Variants in UST observed in about 807,000 individuals in gnomAD.
UST encodes chondroitin sulfate 2-O-sulfotransferase.
Under a neutral mutation model 45.6 loss-of-function variants are expected in UST, and 21 were observed. That is an observed-to-expected ratio of 0.46 (90% CI 0.33 to 0.66). The LOEUF is 0.66. Among genes scored for constraint, UST ranks in the 30% least tolerant of loss-of-function variants. UST has a pLI of 0.02. For missense variants in UST, 463 were observed against 512.4 expected, an observed-to-expected ratio of 0.90 and a Z score of 0.93; for synonymous variants, 215 against 200.6, an observed-to-expected ratio of 1.07 and a Z score of -0.61.
chr6:148,793,784 T>C (rs1277066045), intron 1 of UST, among the ~76,000 whole-genome samples: 1 of 152,204 alleles, frequency 6.6e-6, no homozygotes. Flanking sequence ...CAACATTATA[T>C]TTGTGAATCA....
intron 1 of UST, among the ~76,000 whole-genome samples, chr6:148,783,501 C>T: frequency 6.6e-6 from 1 of 152,158 alleles, no homozygotes; most frequent in Non-Finnish European, 1.5e-5. Flanking sequence ...TACACCTTTC[C>T]CCTGAAGAAG....
intron 7 of UST, among the ~76,000 whole-genome samples, chr6:149,072,618 A>G (rs1304930976): frequency 6.7e-6 from 1 of 149,936 alleles, no homozygotes; most frequent in Non-Finnish European, 1.5e-5. Context: ...GCGCCATTGC[A>G]CTCCAGCCTG....
intron 5 of UST, among the ~76,000 whole-genome samples, chr6:148,995,702 GA>G (rs1400448696): frequency 2.0e-5 from 3 of 152,190 alleles, no homozygotes; most frequent in African/African-American, 7.2e-5. Flanking sequence ...TAAGAATTGA[GA>G]GATCTCACAC....
At chr6:148,947,342 T>C (rs1780265917) in intron 3 of UST, among the ~76,000 whole-genome samples, 1 of 152,202 alleles carries the variant, frequency 6.6e-6, no homozygotes, top group Admixed American at 6.5e-5. Context: ...TTAATCACGA[T>C]AGGCACCAAA....
chr6:148,867,683 G>A (rs540856652), intron 1 of UST, among the ~76,000 whole-genome samples: 32 of 152,248 alleles, frequency 2.1e-4, no homozygotes, highest in South Asian at 1.9e-3. Flanking sequence ...CATGTAAGAT[G>A]TGCCTTTCAC....
intron 7 of UST, among the ~76,000 whole-genome samples, chr6:149,028,231 G>A (rs1776079786): frequency 6.6e-6 from 1 of 152,164 alleles, no homozygotes; most frequent in Non-Finnish European, 1.5e-5. Flanking sequence ...ATAACCAGAG[G>A]CAAGGTATAG....
intron 5 of UST, among the ~76,000 whole-genome samples, chr6:148,971,556 G>C (rs1259227651): frequency 6.6e-6 from 1 of 152,194 alleles, no homozygotes; most frequent in Non-Finnish European, 1.5e-5. Context: ...AGTCAGAGAA[G>C]TGTTGGTTGA....
chr6:148,788,724 AAACTC>A (rs1300578136), intron 1 of UST, among the ~76,000 whole-genome samples: 2 of 152,230 alleles, frequency 1.3e-5, no homozygotes, highest in Admixed American at 1.3e-4. Flanking sequence ...TTGTCAAGAG[AAACTC>A]AACTAATTTT....
At chr6:148,881,138 A>G (rs1778815746) in intron 1 of UST, among the ~76,000 whole-genome samples, 1 of 152,194 alleles carries the variant, frequency 6.6e-6, no homozygotes, top group Admixed American at 6.5e-5. Context: ...ATAGAGCAGC[A>G]GCATGGAGTT....
intron 4 of UST, chr6:148,959,057 A>C (rs116390478): frequency 6.6e-6 from 1 of 152,186 alleles, no homozygotes; most frequent in Admixed American, 6.5e-5. Context: ...AAAAACAAAC[A>C]AACAGTGTGA....
rs143470727 is a variant in UST at position 149,073,990 on chromosome 6, G to A, written c.1095G>A (p.Lys365=). The change falls in exon 8 of 8, where the codon AAG becomes AAA. Residue 365 remains lysine (K), a synonymous_variant. Transcript: ENST00000367463. The part of the protein sequence containing the change: ...FHLLKRKFGL[K]SHVSKPPLRP... Reference sequence around the variant, plus strand: ...TGCTGAAGCGCAAGTTTGGACTTAAGTCTCACGTCAGCAAGCCCCCCCTGA... The same window carrying A: ...TGCTGAAGCGCAAGTTTGGACTTAAATCTCACGTCAGCAAGCCCCCCCTGA... The A allele has an allele frequency of 2.0e-4, 324 of 1,614,046 alleles. 2 individuals are homozygous for A. The highest frequency in any genetic ancestry group is 8.5e-4 in the Admixed American group (51 of 59,990).
At chr6:148,769,037 A>G (rs554400709) in intron 1 of UST, among the ~76,000 whole-genome samples, 2 of 152,354 alleles carry the variant, frequency 1.3e-5, no homozygotes, top group South Asian at 2.1e-4. Flanking sequence ...TGGATTGCCC[A>G]TGTGCAGGAT....
chr6:148,978,839 ATTTT>A (rs149224452), intron 5 of UST, among the ~76,000 whole-genome samples: 8 of 151,686 alleles, frequency 5.3e-5, no homozygotes, highest in African/African-American at 1.9e-4. Context: ...TAAGGTAAAA[ATTTT>A]TTTAAAAAAA....
intron 5 of UST, among the ~76,000 whole-genome samples, chr6:148,983,734 A>G (rs1781183243): frequency 6.6e-6 from 1 of 152,258 alleles, no homozygotes; most frequent in Non-Finnish European, 1.5e-5. Context: ...ACAAAATGAT[A>G]AAACTCAGAA....
chr6:148,792,189 A>G (rs920609766), intron 1 of UST, among the ~76,000 whole-genome samples: 2 of 152,250 alleles, frequency 1.3e-5, no homozygotes, highest in African/African-American at 4.8e-5. Flanking sequence ...CTGATGACCT[A>G]GAGAATGATA....
At chr6:148,997,808 C>T (rs1040934725) in intron 5 of UST, among the ~76,000 whole-genome samples, 9 of 152,076 alleles carry the variant, frequency 5.9e-5, no homozygotes, top group African/African-American at 9.7e-5. Context: ...CTTGAGAAAC[C>T]GAAGTTCCCT....
chr6:148,818,150 A>C (rs1430824195), intron 1 of UST, among the ~76,000 whole-genome samples: 2 of 151,678 alleles, frequency 1.3e-5, no homozygotes, highest in Non-Finnish European at 2.9e-5. Flanking sequence ...TCCAATAGCC[A>C]CATATGATAA....
At chr6:148,860,350 C>A (rs1283099193) in intron 1 of UST, among the ~76,000 whole-genome samples, 7 of 152,152 alleles carry the variant, frequency 4.6e-5, no homozygotes, top group Admixed American at 3.3e-4. Context: ...GATTTTGTAT[C>A]CTGAGACTTC....
At chr6:148,893,537 A>G (rs1161922836) in intron 2 of UST, among the ~76,000 whole-genome samples, 1 of 152,244 alleles carries the variant, frequency 6.6e-6, no homozygotes, top group South Asian at 2.1e-4. Context: ...CAGAGAGCAC[A>G]TGCTTCTGTG....
Sources: gnomAD v4.1 joint callset for allele counts (sites outside exome capture counted in the v4.1 genomes callset) on GRCh38, gnomAD v4.1.1 for gene constraint, MANE v1.5 for transcripts, NCBI Gene and HGNC (gene_info 2026-07-23, HGNC 2026-07-21) for gene names.